CCNH: variants seen among roughly 807,000 people sequenced by gnomAD.
The protein encoded by CCNH is cyclin-H.
CCNH carries 31 observed loss-of-function variants against 41.9 expected under a neutral mutation model. The ratio of observed to expected loss-of-function variants is 0.74; its 90% CI spans 0.56 to 1.00. The LOEUF is 1.00. Ranked by LOEUF, CCNH falls within the 50% of genes least tolerant of loss-of-function variation. The probability of loss-of-function intolerance (pLI) is 0.00; values close to 1 mark genes in which losing one functional copy is unlikely to be tolerated. For missense variants in CCNH, 362 were observed against 388.4 expected (o/e 0.93, Z 0.57); for synonymous variants, 138 against 136.1 (o/e 1.01, Z -0.10).
At chr5:87,396,003 G>A (rs1288538494) in intron 7 of CCNH, among the ~76,000 whole-genome samples, 2 of 151,560 alleles carry the variant, frequency 1.3e-5, no homozygotes. Flanking sequence ...TGTATCCTGT[G>A]GGTTCCACAT....
At chr5:87,313,411 A>G in the CCNH span, among the ~76,000 whole-genome samples, 1 of 152,100 alleles carries the variant, frequency 6.6e-6, no homozygotes, top group South Asian at 2.1e-4. Flanking sequence ...GAGGTGAGAA[A>G]TAGCTTGAAT....
rs1241274360 is a variant in CCNH, at chr5:87,401,777, TAAAGA to T, written c.690-10_690-6del. ...ATCAGACTCTCTGATAAATAACTAG[TAAAGA>T]AAAGAAAAAAAAATCTATTGAAAAC... On this transcript the variant is annotated splice_region_variant and splice_polypyrimidine_tract_variant and intron_variant, in intron 5 of 8. Coordinates refer to ENST00000256897, the MANE Select transcript of CCNH (RefSeq NM_001239.4). 3.2e-6 allele frequency: 5 copies of T among 1,540,224 alleles called. No homozygotes were observed. The highest frequency in any genetic ancestry group is 4.0e-5 in the Admixed American group (2 of 49,972).
At chr5:87,377,537 A>G (rs1372701799), upstream of CCNH, among the ~76,000 whole-genome samples, 1 of 152,004 alleles carries the variant, frequency 6.6e-6, no homozygotes, top group African/African-American at 2.4e-5. Flanking sequence ...GGTTTTCACC[A>G]TGTTGGCCAG....
At chr5:87,409,985 C>T (rs1764104415) in intron 2 of CCNH, among the ~76,000 whole-genome samples, 1 of 152,106 alleles carries the variant, frequency 6.6e-6, no homozygotes, top group Non-Finnish European at 1.5e-5. Flanking sequence ...ACTATCTCTA[C>T]AGAGAAGGAA....
In CCNH at chr5:87,411,285, T is replaced by A. The variant is rs540142438; in HGVS notation, c.179A>T (p.Tyr60Phe). The A allele has an allele frequency of 5.3e-5, 85 of 1,612,940 alleles. 1 individual carries two copies. In the South Asian group the frequency reaches 9.2e-4, roughly 18 times the overall value. ...PHEEMTLCKY[Y>F]EKRLLEFCSV... Reference sequence around the variant, plus strand: ...ACAGAATTCCAATAACCTTTTCTCATAGTATTTGCAGAGTGTCATTTCTTC... The same window carrying A: ...ACAGAATTCCAATAACCTTTTCTCAAAGTATTTGCAGAGTGTCATTTCTTC... Residue 60 changes from tyrosine (Y) to phenylalanine (F), a missense_variant, in exon 2 of 9, where the codon TAT becomes TTT. Coordinates refer to ENST00000256897, the MANE Select transcript of CCNH (RefSeq NM_001239.4).
At chr5:87,374,360 A>G (rs1370809719), downstream of CCNH, 1 of 1,558,428 alleles carries the variant, frequency 6.4e-7, no homozygotes, top group Non-Finnish European at 8.8e-7. Flanking sequence ...ATTTTCTTTT[A>G]CCATATTGCA....
downstream of CCNH, chr5:87,372,281 T>G (rs145879163): frequency 8.0e-7 from 1 of 1,245,910 alleles, no homozygotes; most frequent in Non-Finnish European, 1.2e-6. Context: ...CTGAACTGTT[T>G]TGGACATCAT....
At chr5:87,392,258 T>C (rs1303531659), downstream of CCNH, 5 of 455,738 alleles carry the variant, frequency 1.1e-5, no homozygotes, top group African/African-American at 6.0e-5. Context: ...CTCTAATGTA[T>C]AAAATACAGG....
downstream of CCNH, chr5:87,391,562 A>G (rs1305313587): frequency 4.2e-6 from 1 of 236,888 alleles, no homozygotes; most frequent in Non-Finnish European, 8.3e-6. Flanking sequence ...CTGTATTTAG[A>G]TCTCATAATG....
At chr5:87,394,147 C>T (rs1420270565), downstream of CCNH, 5 of 642,848 alleles carry the variant, frequency 7.8e-6, no homozygotes, top group African/African-American at 1.9e-5. Context: ...TTTTGTGGTG[C>T]CTTTTTTAAA....
chr5:87,407,877 A>T, intron 4 of CCNH, 99 bp downstream of exon 4: 1 of 882,618 alleles, frequency 1.1e-6, no homozygotes, highest in Non-Finnish European at 1.8e-6. Context: ...TATCCATGCT[A>T]TAACAACGAG....
chr5:87,319,821 CA>C (rs1756646106), intron 9 of CCNH, among the ~76,000 whole-genome samples: 1 of 152,202 alleles, frequency 6.6e-6, no homozygotes, highest in South Asian at 2.1e-4. Flanking sequence ...TTTCTCCCCC[CA>C]AAATGGGTTT....
At chr5:87,328,690 C>G (rs1218318325) in intron 9 of CCNH, among the ~76,000 whole-genome samples, 3 of 152,098 alleles carry the variant, frequency 2.0e-5, no homozygotes, top group African/African-American at 4.8e-5. Context: ...ATATGATTCT[C>G]TATGCAGGAC....
chr5:87,389,554 A>G, downstream of CCNH: 2 of 1,611,326 alleles, frequency 1.2e-6, no homozygotes, highest in Non-Finnish European at 1.7e-6. Context: ...CTTCATTAAC[A>G]ATGATGTTTC....
downstream of CCNH, chr5:87,393,476 A>AACTT (rs1165963455): frequency 2.0e-5 from 3 of 152,312 alleles, no homozygotes; most frequent in East Asian, 1.9e-4. Flanking sequence ...GAGGTTTAAT[A>AACTT]ACTTACCAAG....
chr5:87,327,568 T>G (rs528983106), intron 9 of CCNH, among the ~76,000 whole-genome samples: 4 of 152,304 alleles, frequency 2.6e-5, no homozygotes, highest in African/African-American at 9.6e-5. Flanking sequence ...CTTGGTCTTC[T>G]GCTAGTATGC....
intron 9 of CCNH, chr5:87,349,087 A>G (rs1013420952): frequency 8.3e-7 from 1 of 1,202,408 alleles, no homozygotes; most frequent in African/African-American, 1.6e-5. Flanking sequence ...ATCTTAAAAA[A>G]AAAACAAGTT....
chr5:87,358,005 G>T (rs1047578675), intron 9 of CCNH, among the ~76,000 whole-genome samples: 1 of 152,222 alleles, frequency 6.6e-6, no homozygotes, highest in African/African-American at 2.4e-5. Context: ...GAAGTTTGGG[G>T]AATAATAAAA....
chr5:87,318,116 G>T (rs1275094775), downstream of CCNH, among the ~76,000 whole-genome samples: 1 of 152,086 alleles, frequency 6.6e-6, no homozygotes, highest in Non-Finnish European at 1.5e-5. Context: ...GCATTTTGAA[G>T]CGTGCTTTCA....
Sources: allele counts gnomAD v4.1 joint callset (sites outside exome capture counted in the v4.1 genomes callset), GRCh38; gene constraint gnomAD v4.1.1; transcripts MANE v1.5; gene names NCBI Gene and HGNC (gene_info 2026-07-23, HGNC 2026-07-21).